EPS8: variants seen among roughly 807,000 people sequenced by gnomAD.
The protein encoded by EPS8 is epidermal growth factor receptor kinase substrate 8.
EPS8 carries 42 observed loss-of-function variants against 103.8 expected under a neutral mutation model. The observed-to-expected ratio is 0.40, with a 90% CI of 0.32 to 0.52. EPS8 has a LOEUF of 0.52. Ranked by LOEUF, EPS8 falls within the 20% of genes least tolerant of loss-of-function variation. The pLI is 0.40. For synonymous variants in EPS8, 344 were observed against 344.6 expected (o/e 1.00, Z 0.02); for missense variants, 969 against 1,005.1 (o/e 0.96, Z 0.49).
chr12:15,671,302 G>C (rs569715354), intron 3 of EPS8, among the ~76,000 whole-genome samples: 3 of 152,208 alleles, frequency 2.0e-5, no homozygotes, highest in Admixed American at 2.0e-4. Context: ...ATATCAAAAT[G>C]TAATTGCAAA....
chr12:15,631,484 T>C lies in EPS8; in HGVS notation c.2002A>G (p.Ile668Val), dbSNP rs532072964. ...NSSSSDSGGS[I>V]VRDSQRHKQL... ...TTGTGTCTCTGGCTGTCTCGCACGATACTGCCACCACTGTCACTGGAGCTG... is the reference window on the plus strand; with the variant it reads ...TTGTGTCTCTGGCTGTCTCGCACGACACTGCCACCACTGTCACTGGAGCTG... The change falls in exon 18 of 21, where the codon ATC becomes GTC. Residue 668 changes from isoleucine to valine, a missense_variant. Coordinates refer to ENST00000281172, the MANE Select transcript of EPS8 (RefSeq NM_004447.6). The C allele has an allele frequency of 1.9e-6, 3 of 1,614,078 alleles. No individual in the cohort carries two copies. The highest frequency in any genetic ancestry group is 2.5e-6 in the Non-Finnish European group (3 of 1,179,956).
In EPS8 at chr12:15,688,682, T is replaced by C. The variant is rs746169212; in HGVS notation, c.-21-5710A>G. ...ACTCCAGGGGAAAACCATTCTCCCT[T>C]GTGGCTCCCCCATCTGCTGAGAGCT... is the stretch of plus-strand genomic sequence containing the variant. On this transcript the variant is annotated intron_variant, in intron 1 of 20. Coordinates refer to ENST00000281172, the MANE Select transcript of EPS8 (RefSeq NM_004447.6). This position sits in a 1 kb window ranked among gnomAD's most constrained non-coding sequence, Gnocchi z 5.1. Among the ~76,000 whole-genome samples, 22 of 152,196 alleles carry C rather than the reference T, an allele frequency of 1.4e-4. No homozygotes were observed. The highest frequency in any genetic ancestry group is 1.0e-3 in the Admixed American group (16 of 15,286).
In EPS8 at chr12:15,751,368, A is replaced by G. The variant is rs777474389; in HGVS notation, c.-22+37793T>C. Among the ~76,000 whole-genome samples, 7 of 152,152 alleles carry G rather than the reference A, an allele frequency of 4.6e-5. No homozygotes were observed. Among genetic ancestry groups the G allele is most frequent in the Non-Finnish European group, 8.8e-5 (6 of 68,028 alleles). ...GTGAGACTCCATCTCAACAAAAAAA[A>G]GAATCCACATTATCAATTTCTGCCT... is the stretch of plus-strand genomic sequence containing the variant. On this transcript the variant is annotated intron_variant, in intron 1 of 20. Coordinates refer to ENST00000281172, the MANE Select transcript of EPS8 (RefSeq NM_004447.6). The surrounding 1 kb of genome is among the most constrained non-coding windows in gnomAD (Gnocchi z 4.3).
At position 15,706,817 on chromosome 12, in the gene EPS8, T is replaced by C. The variant is rs1250780739; in HGVS notation, c.-21-23845A>G. ...TGACACAATTCTCCAACCTACTCTATTGTCTATGTGTACAAGTTTTTTTTC... is the reference window on the plus strand; with the variant it reads ...TGACACAATTCTCCAACCTACTCTACTGTCTATGTGTACAAGTTTTTTTTC... On this transcript the variant is annotated intron_variant, in intron 1 of 20. Transcript: ENST00000281172. This position sits in a 1 kb window ranked among gnomAD's most constrained non-coding sequence, Gnocchi z 5.2. Among the ~76,000 whole-genome samples the C allele has an allele frequency of 2.0e-5, 3 of 152,180 alleles. No homozygotes were observed. The highest frequency in any genetic ancestry group is 7.2e-5 in the African/African-American group (3 of 41,448).
At chr12:15,633,192 GTTA>G (rs1000975225) in intron 17 of EPS8, among the ~76,000 whole-genome samples, 1 of 152,000 alleles carries the variant, frequency 6.6e-6, no homozygotes, top group Non-Finnish European at 1.5e-5. Flanking sequence ...AGAATGAATT[GTTA>G]TTATTATTCC....
At position 15,733,616 on chromosome 12, in the gene EPS8, T is replaced by C. The variant is rs1212615282; in HGVS notation, c.-21-50644A>G. Among the ~76,000 whole-genome samples the C allele has an allele frequency of 2.0e-5, 3 of 152,122 alleles. No individual in the cohort carries two copies. ...CCAGAGATAAGAGGACCACATGTTCTTGGTGGATGGAAGAAGAATAACAAC... is the reference window on the plus strand; with the variant it reads ...CCAGAGATAAGAGGACCACATGTTCCTGGTGGATGGAAGAAGAATAACAAC... On this transcript the variant is annotated intron_variant, in intron 1 of 20. Coordinates refer to ENST00000281172, the MANE Select transcript of EPS8 (RefSeq NM_004447.6). This position sits in a 1 kb window ranked among gnomAD's most constrained non-coding sequence, Gnocchi z 4.8.
intron 14 of EPS8, among the ~76,000 whole-genome samples, chr12:15,648,329 G>T (rs921131611): frequency 4.6e-5 from 7 of 152,152 alleles, no homozygotes; most frequent in Non-Finnish European, 7.3e-5. Flanking sequence ...TTTTCATTAT[G>T]GATTTTGTAT....
In EPS8 at chr12:15,782,714, T is replaced by A. The variant is rs149905900; in HGVS notation, c.-22+6447A>T. ...TACACACACACGATACATAGTATCA[T>A]TCGCGGTCAAGAGAAATGTAAACAA... is the stretch of plus-strand genomic sequence containing the variant. On this transcript the variant is annotated intron_variant, in intron 1 of 20. Transcript: ENST00000281172. Among the ~76,000 whole-genome samples, 6 of 152,294 alleles carry A rather than the reference T, an allele frequency of 3.9e-5. No individual in the cohort carries two copies. The East Asian group carries it at 1.2e-3, about 29-fold the overall frequency.
Position 15,662,271 on chromosome 12 carries a change from T to A in EPS8, c.737-172A>T, listed in dbSNP as rs977593857. 6.3e-6 allele frequency: 9 copies of A among 1,436,312 alleles called. No homozygotes were observed. In the African/African-American group the frequency reaches 1.3e-4, roughly 21 times the overall value. The allele number at this position is 1,436,312 out of a possible 1,614,324, so 89.0% of individuals were successfully genotyped here. ...CAGCCATGAAATGCATCCTTGTCAA[T>A]ACTAACAGGAGCAGTTGAGCAGAGC... On this transcript the variant is annotated intron_variant, in intron 8 of 20. Coordinates refer to ENST00000281172, the MANE Select transcript of EPS8 (RefSeq NM_004447.6).
At chr12:15,732,996 C>T (rs1239084360) in intron 1 of EPS8, among the ~76,000 whole-genome samples, 2 of 152,276 alleles carry the variant, frequency 1.3e-5, no homozygotes, top group African/African-American at 4.8e-5. Flanking sequence ...GTCATGACTA[C>T]CACACTAGAA....
At chr12:15,652,160 T>C (rs553214743) in intron 13 of EPS8, among the ~76,000 whole-genome samples, 27 of 152,312 alleles carry the variant, frequency 1.8e-4, no homozygotes, top group African/African-American at 6.0e-4. Flanking sequence ...ATCTTGTCAT[T>C]TGCAGCAACA....
chr12:15,785,844 T>C lies in EPS8; in HGVS notation c.-22+3317A>G, dbSNP rs965972377. 2.0e-5 allele frequency among the ~76,000 whole-genome samples: 3 copies of C among 152,004 alleles called. No individual in the cohort carries two copies. The highest frequency in any genetic ancestry group is 2.9e-5 in the Non-Finnish European group (2 of 67,936). On this transcript the variant is annotated intron_variant, in intron 1 of 20. Transcript: ENST00000281172. The surrounding 1 kb of genome is among the most constrained non-coding windows in gnomAD (Gnocchi z 4.9). ...TGATGGTAGTATGTCAAAGAGGCAC[T>C]GGAGTCAAGCTGTAACAAAGTAGCA...
intron 11 of EPS8, 81 bp downstream of exon 11, chr12:15,658,416 A>T: frequency 9.7e-7 from 1 of 1,028,798 alleles, no homozygotes; most frequent in Non-Finnish European, 1.5e-6. Context: ...TTTATTTCTT[A>T]ATTTAATCAG....
intron 16 of EPS8, 107 bp downstream of exon 16, chr12:15,641,615 C>T (rs1020369431): frequency 1.6e-4 from 79 of 502,108 alleles, no homozygotes; most frequent in African/African-American, 3.2e-4. Flanking sequence ...TAATATACTA[C>T]GTCTTTAGTA....
In EPS8 at chr12:15,695,564, T is replaced by C. The variant is rs751259261; in HGVS notation, c.-21-12592A>G. 8.5e-5 allele frequency among the ~76,000 whole-genome samples: 13 copies of C among 152,248 alleles called. No individual in the cohort carries two copies. The highest frequency in any genetic ancestry group is 1.9e-4 in the Non-Finnish European group (13 of 68,040). The stretch of plus-strand genomic sequence containing the variant: ...ACATTTAAATGTTAATAACCACATA[T>C]AGACTAACAGCTACCACACTAGACA... On this transcript the variant is annotated intron_variant, in intron 1 of 20. Coordinates refer to ENST00000281172, the MANE Select transcript of EPS8 (RefSeq NM_004447.6). The surrounding 1 kb of genome is among the most constrained non-coding windows in gnomAD (Gnocchi z 5.0).
intron 1 of EPS8, among the ~76,000 whole-genome samples, chr12:15,709,376 G>A (rs547056330): frequency 6.6e-6 from 1 of 152,244 alleles, no homozygotes; most frequent in African/African-American, 2.4e-5. Context: ...AAACCTTAAG[G>A]ATGAGGTAAA....
rs1947245757 is a variant in EPS8, at chr12:15,780,202, T to C, written c.-22+8959A>G. 1 of 152,172 alleles carries C rather than the reference T, an allele frequency of 6.6e-6. No individual in the cohort carries two copies. Among genetic ancestry groups the C allele is most frequent in the African/African-American group, 2.4e-5 (1 of 41,430 alleles). 9.4% of individuals were successfully genotyped at this position (152,172 alleles called of 1,614,324 possible). On this transcript the variant is annotated intron_variant, in intron 1 of 20. Transcript: ENST00000281172. This position sits in a 1 kb window ranked among gnomAD's most constrained non-coding sequence, Gnocchi z 4.1. Reference sequence around the variant, plus strand: ...ACAATGTAATGAATACTCTATTGTATTGTTACTTACAAAAATGAAAAATAA... The same window carrying C: ...ACAATGTAATGAATACTCTATTGTACTGTTACTTACAAAAATGAAAAATAA...
rs758138606 is a variant in EPS8, at chr12:15,624,262, C to T, written c.2190G>A (p.Val730=). The T allele has an allele frequency of 6.2e-7, 1 of 1,613,836 alleles. No homozygotes were observed. The highest frequency in any genetic ancestry group is 8.5e-7 in the Non-Finnish European group (1 of 1,179,940). Residue 730 remains valine (V), a synonymous_variant, in exon 19 of 21, where the codon GTG becomes GTA. Transcript: ENST00000281172. ...NITYDSTPED[V]KTWLQSKGFN... is the part of the protein sequence containing the mutation. ...ATCCCTTTGACTGTAACCACGTCTT[C>T]ACATCCTCTGGTGTGGAGTCGTAAG...
intron 13 of EPS8, among the ~76,000 whole-genome samples, chr12:15,652,936 C>T (rs1945440373): frequency 6.6e-6 from 1 of 152,060 alleles, no homozygotes; most frequent in South Asian, 2.1e-4. Flanking sequence ...GTGATTTATT[C>T]TAAGTGGTGA....
Sources: allele counts gnomAD v4.1 joint callset (sites outside exome capture counted in the v4.1 genomes callset), GRCh38; gene constraint gnomAD v4.1.1; non-coding constraint Gnocchi (gnomAD v3.1); transcripts MANE v1.5; gene names NCBI Gene and HGNC (gene_info 2026-07-23, HGNC 2026-07-21).